C16orf96: variants seen among roughly 807,000 people sequenced by gnomAD.
C16orf96 encodes chromosome 16 open reading frame 96.
Under a neutral mutation model 103.6 loss-of-function variants are expected in C16orf96, and 108 were observed. The observed-to-expected ratio is 1.04, with a 90% confidence interval of 0.89 to 1.22. The LOEUF is 1.22. Ranked by LOEUF, C16orf96 falls within the 50% of genes most tolerant of loss-of-function variation. C16orf96 has a pLI of 0.00. For synonymous variants in C16orf96, 566 were observed against 593.5 expected (o/e 0.95, Z 0.67); for missense variants, 1,586 against 1,464.2 (o/e 1.08, Z -1.36).
chr16:4,565,034 A>G (rs2059372383), intron 1 of C16orf96, among the ~76,000 whole-genome samples: 1 of 152,002 alleles, frequency 6.6e-6, no homozygotes. Flanking sequence ...CTGTTTTCCA[A>G]AGTCCCACAT....
chr16:4,588,725 T>TC (rs1896988360), intron 9 of C16orf96, among the ~76,000 whole-genome samples: 1 of 64,684 alleles, frequency 1.5e-5, no homozygotes, highest in South Asian at 5.0e-4. Flanking sequence ...TTTTTTTTTT[T>TC]CATACAGGGC....
chr16:4,572,869 C>T (rs1684596), intron 2 of C16orf96, among the ~76,000 whole-genome samples: 144,740 of 152,224 alleles, frequency 0.95, 69,229 homozygotes, highest in East Asian at 1. Flanking sequence ...ATGGAGTCCC[C>T]GAGACATGAG....
the C16orf96 span, among the ~76,000 whole-genome samples, chr16:4,549,471 T>TTA: frequency 1.0e-5 from 1 of 96,636 alleles, no homozygotes; most frequent in Middle Eastern, 5.4e-3. Context: ...AGACTCTGTC[T>TTA]AAAAAAAAAA....
chr16:4,563,761 G>T (rs924753710), intron 1 of C16orf96, among the ~76,000 whole-genome samples: 1 of 150,582 alleles, frequency 6.6e-6, no homozygotes, highest in African/African-American at 2.4e-5. Context: ...TAGAGACGGG[G>T]TTTCACCATG....
In C16orf96 at chr16:4,594,880, G is replaced by C. The variant is rs561040820; in HGVS notation, c.3127+77G>C. 9 of 1,444,058 alleles carry C rather than the reference G, an allele frequency of 6.2e-6. No individual in the cohort carries two copies. In the South Asian group the frequency reaches 1.1e-4, roughly 18 times the overall value. 89.5% of individuals were successfully genotyped at this position (1,444,058 alleles called of 1,614,324 possible). A position where few individuals can be genotyped will look rare whatever the true frequency, so the allele number is the denominator to read the frequency against. ...CTGGGCAGGGTGAGAGGGTGCAGGT[G>C]GGGCCCAGAGCCAGCACTATCCCTG... On this transcript the variant is annotated intron_variant, in intron 14 of 15. Transcript: ENST00000444310.
At chr16:4,595,129 G>A (rs982807767) in intron 14 of C16orf96, among the ~76,000 whole-genome samples, 11 of 152,184 alleles carry the variant, frequency 7.2e-5, no homozygotes, top group South Asian at 2.1e-4. Flanking sequence ...GCCAGTCCAC[G>A]GAGGACGGAC....
chr16:4,543,194 G>A, the C16orf96 span, among the ~76,000 whole-genome samples: 2 of 152,176 alleles, frequency 1.3e-5, no homozygotes, highest in African/African-American at 4.8e-5. Flanking sequence ...GGGGCTTGAA[G>A]GATGTGTAGG....
At chr16:4,588,828 C>T (rs1269170767) in intron 9 of C16orf96, among the ~76,000 whole-genome samples, 1 of 147,322 alleles carries the variant, frequency 6.8e-6, no homozygotes, top group Non-Finnish European at 1.5e-5. Context: ...GGTTATTATA[C>T]TTCCCTCAGG....
chr16:4,542,087 C>T, the C16orf96 span, among the ~76,000 whole-genome samples: 1 of 152,208 alleles, frequency 6.6e-6, no homozygotes, highest in Non-Finnish European at 1.5e-5. Context: ...CCAGAAATTT[C>T]CAGGCTGGTC....
chr16:4,539,030 C>A, the C16orf96 span, among the ~76,000 whole-genome samples: 2 of 152,214 alleles, frequency 1.3e-5, no homozygotes, highest in Non-Finnish European at 2.9e-5. Context: ...AGGGCATCTT[C>A]CTCCAGGGCT....
At chr16:4,592,467 G>A in intron 11 of C16orf96, 100 bp downstream of exon 11, 1 of 1,341,664 alleles carries the variant, frequency 7.5e-7, no homozygotes, top group Non-Finnish European at 1.0e-6. Context: ...TGCACGCTGT[G>A]TGTCTACACA....
chr16:4,564,370 G>A (rs538811563), intron 1 of C16orf96, among the ~76,000 whole-genome samples: 1 of 152,142 alleles, frequency 6.6e-6, no homozygotes, highest in Non-Finnish European at 1.5e-5. Flanking sequence ...GGTCCAGGAA[G>A]TCCCCGGGAG....
At chr16:4,559,411 C>G (rs183477036) in intron 1 of C16orf96, among the ~76,000 whole-genome samples, 329 of 151,224 alleles carry the variant, frequency 2.2e-3, no homozygotes, top group African/African-American at 7.5e-3. Flanking sequence ...ATTAGCCAGG[C>G]ATGGTGGCGC....
At chr16:4,562,969 C>T in intron 1 of C16orf96, 1 of 1,298,404 alleles carries the variant, frequency 7.7e-7, no homozygotes. Context: ...CCTTTAAAAT[C>T]TTGAACGCCA....
intron 2 of C16orf96, among the ~76,000 whole-genome samples, chr16:4,572,587 C>A (rs1364472372): frequency 1.3e-5 from 2 of 152,136 alleles, no homozygotes; most frequent in Admixed American, 6.6e-5. Context: ...AGGCGTGAGC[C>A]ACCACATCCG....
At chr16:4,572,567 CCAGGATTA>C (rs2059452066) in intron 2 of C16orf96, among the ~76,000 whole-genome samples, 3 of 152,170 alleles carry the variant, frequency 2.0e-5, no homozygotes, top group Middle Eastern at 6.8e-3. Context: ...TCCCAAAGTG[CCAGGATTA>C]CAGGCGTGAG....
chr16:4,578,965 C>G lies in C16orf96; in HGVS notation c.2181C>G (p.Leu727=). The G allele has an allele frequency of 6.4e-7, 1 of 1,551,348 alleles. No individual in the cohort carries two copies. ...CCAATATGGGAGGTCCTTCCAGCCTCGGGACAACAGTGGACATATTGCAGA... is the reference window on the plus strand; with the variant it reads ...CCAATATGGGAGGTCCTTCCAGCCTGGGGACAACAGTGGACATATTGCAGA... ...YLANMGGPSS[L]GTTVDILQKK... Residue 727 remains leucine (L), a synonymous_variant, in exon 6 of 16, where the codon CTC becomes CTG. Coordinates refer to ENST00000444310, the MANE Select transcript of C16orf96 (RefSeq NM_001145011.2).
rs2059438517 is a variant in C16orf96 at position 4,571,541 on chromosome 16, T to A, written c.421-20T>A. ...CCCCCAGCCATACCCGGCTTCACAT[T>A]TTCTCCTCCTCTTTTGCAGTCAATG... On this transcript the variant is annotated intron_variant, in intron 1 of 15. Coordinates refer to ENST00000444310, the MANE Select transcript of C16orf96 (RefSeq NM_001145011.2). The A allele has an allele frequency of 6.5e-7, 1 of 1,548,094 alleles. No individual in the cohort carries two copies. Among genetic ancestry groups the A allele is most frequent in the Admixed American group, 2.0e-5 (1 of 50,588 alleles).
Position 4,592,347 on chromosome 16 carries a change from T to C in C16orf96, c.2754T>C (p.Pro918=), listed in dbSNP as rs1439690778. The change falls in exon 11 of 16, where the codon CCT becomes CCC. Residue 918 remains proline (P), a synonymous_variant. Transcript: ENST00000444310. ...KRVKCISCDR[P]VEMMTGPQLI... The stretch of plus-strand genomic sequence containing the variant: ...TGAAGTGCATCTCCTGTGACCGGCC[T>C]GTGGAGATGATGACTGGCCCGTGAG... 6.4e-7 allele frequency: 1 copy of C among 1,551,574 alleles called. No individual in the cohort carries two copies. The highest frequency in any genetic ancestry group is 1.4e-5 in the African/African-American group (1 of 73,062).
Sources: allele counts gnomAD v4.1 joint callset (sites outside exome capture counted in the v4.1 genomes callset), GRCh38; gene constraint gnomAD v4.1.1; transcripts MANE v1.5; gene names NCBI Gene and HGNC (gene_info 2026-07-23, HGNC 2026-07-21).